Variants in SCARA5 observed in about 807,000 individuals in gnomAD.
SCARA5 encodes the protein scavenger receptor class A member 5, also known as scavenger receptor class A, member 5 (putative).
A neutral mutation model predicts 46.3 loss-of-function variants in SCARA5; 45 were observed. That is an observed-to-expected ratio of 0.97 (90% CI 0.76 to 1.24). The LOEUF is 1.24. Ranked by LOEUF, SCARA5 falls within the 50% of genes most tolerant of loss-of-function variation. SCARA5 has a pLI of 0.00. For synonymous variants in SCARA5, 333 were observed against 306.5 expected (o/e 1.09, Z -0.90); for missense variants, 680 against 689.0 (o/e 0.99, Z 0.15).
intron 7 of SCARA5, among the ~76,000 whole-genome samples, chr8:27,882,822 T>G (rs1388213304): frequency 6.6e-6 from 1 of 152,236 alleles, no homozygotes; most frequent in African/African-American, 2.4e-5. Flanking sequence ...GACATATAAA[T>G]GTGTGTCACA....
chr8:27,900,630 C>G (rs886873909), intron 7 of SCARA5, among the ~76,000 whole-genome samples: 1 of 151,976 alleles, frequency 6.6e-6, no homozygotes, highest in African/African-American at 2.4e-5. Flanking sequence ...ACAATCTGAA[C>G]TTATATCCTG....
intron 2 of SCARA5, among the ~76,000 whole-genome samples, chr8:27,970,652 C>T (rs1479123306): frequency 6.6e-6 from 1 of 152,164 alleles, no homozygotes; most frequent in African/African-American, 2.4e-5. Context: ...CTGCTACTGC[C>T]GTGCACTGCC....
intron 7 of SCARA5, among the ~76,000 whole-genome samples, chr8:27,881,755 A>G (rs1436156609): frequency 6.6e-6 from 1 of 152,172 alleles, no homozygotes; most frequent in Non-Finnish European, 1.5e-5. Flanking sequence ...ATTGATTGAA[A>G]GGTACAGAAA....
At chr8:27,956,245 A>C (rs992452032) in intron 3 of SCARA5, among the ~76,000 whole-genome samples, 5 of 152,206 alleles carry the variant, frequency 3.3e-5, no homozygotes, top group Non-Finnish European at 7.3e-5. Context: ...ACATCACACC[A>C]TTACGCAATA....
At chr8:27,900,854 T>C (rs1477726086) in intron 7 of SCARA5, among the ~76,000 whole-genome samples, 3 of 150,374 alleles carry the variant, frequency 2.0e-5, no homozygotes, top group Non-Finnish European at 4.4e-5. Context: ...ATGACTGATA[T>C]TGCCCTTGAC....
intron 4 of SCARA5, among the ~76,000 whole-genome samples, chr8:27,918,721 G>T: frequency 7.3e-6 from 1 of 137,362 alleles, no homozygotes; most frequent in Admixed American, 7.3e-5. Context: ...AGGAAGATGA[G>T]GAGGATAAAG....
At chr8:27,956,398 C>T (rs1043538595) in intron 3 of SCARA5, among the ~76,000 whole-genome samples, 5 of 152,170 alleles carry the variant, frequency 3.3e-5, no homozygotes, top group African/African-American at 1.2e-4. Context: ...ATGATTTCTT[C>T]CCTGAATTAA....
intron 2 of SCARA5, among the ~76,000 whole-genome samples, 178 bp from the exon 3 acceptor site, chr8:27,966,720 T>G (rs539885995): frequency 6.6e-6 from 1 of 152,350 alleles, no homozygotes; most frequent in South Asian, 2.1e-4. Context: ...GACCATCACA[T>G]TCAGCCTCTA....
At chr8:27,972,164 A>G (rs1352756102) in intron 2 of SCARA5, among the ~76,000 whole-genome samples, 1 of 152,042 alleles carries the variant, frequency 6.6e-6, no homozygotes, top group African/African-American at 2.4e-5. Flanking sequence ...TAAAAATACA[A>G]AAATTAGCTG....
At chr8:27,932,223 G>A (rs1807786376) in intron 3 of SCARA5, among the ~76,000 whole-genome samples, 1 of 151,996 alleles carries the variant, frequency 6.6e-6, no homozygotes. Flanking sequence ...CAAGCAATCT[G>A]CCCACCTTGT....
At chr8:27,876,773 C>T (rs1426420972) in intron 8 of SCARA5, among the ~76,000 whole-genome samples, 1 of 151,824 alleles carries the variant, frequency 6.6e-6, no homozygotes, top group Admixed American at 6.6e-5. Flanking sequence ...ACAGCAGAGG[C>T]GGGGTGTTGG....
At chr8:27,957,709 A>G (rs925511436) in intron 3 of SCARA5, among the ~76,000 whole-genome samples, 1 of 152,228 alleles carries the variant, frequency 6.6e-6, no homozygotes, top group Non-Finnish European at 1.5e-5. Flanking sequence ...CAATGCGTCT[A>G]AGTCTCAGTT....
chr8:27,985,627 A>G (rs1808694277), intron 2 of SCARA5, among the ~76,000 whole-genome samples: 1 of 152,218 alleles, frequency 6.6e-6, no homozygotes, highest in South Asian at 2.1e-4. Flanking sequence ...GCAGATGAGT[A>G]CACTGAGGCC....
chr8:27,961,780 A>G (rs1342908234), intron 3 of SCARA5, among the ~76,000 whole-genome samples: 2 of 152,208 alleles, frequency 1.3e-5, no homozygotes, highest in Non-Finnish European at 2.9e-5. Flanking sequence ...TGTTAATATA[A>G]TCACACACCT....
At position 27,921,966 on chromosome 8, in the gene SCARA5, G is replaced by A. The variant is rs141478285; in HGVS notation, c.521C>T (p.Thr174Met). The change falls in exon 4 of 9, where the codon ACG (threonine) becomes ATG (methionine). Residue 174 changes from threonine (T) to methionine (M), a missense_variant. Around this residue, in one of 3 missense-constraint regions of SCARA5, gnomAD observed 438 missense variants for 384.5 expected, o/e 1.14. Coordinates refer to ENST00000354914, the MANE Select transcript of SCARA5 (RefSeq NM_173833.6). Reference protein sequence around the residue: ...EQAVALLRDRTGQQSDTAQLE... With the variant: ...EQAVALLRDRMGQQSDTAQLE... ...CTGCGCCGTGTCGCTCTGCTGGCCC[G>A]TGCGGTCCCGCAGCAGGGCCACCGC... 230 of 1,542,142 alleles carry A rather than the reference G, an allele frequency of 1.5e-4. 1 individual carries two copies. In the African/African-American group the frequency reaches 2.5e-3, roughly 17 times the overall value.
intron 3 of SCARA5, among the ~76,000 whole-genome samples, chr8:27,960,596 A>G (rs1184047707): frequency 6.6e-6 from 1 of 152,214 alleles, no homozygotes; most frequent in South Asian, 2.1e-4. Context: ...AGATGAAAAA[A>G]CCAAGTCCCT....
chr8:27,902,370 C>G (rs1407626812), intron 7 of SCARA5, among the ~76,000 whole-genome samples: 2 of 152,130 alleles, frequency 1.3e-5, no homozygotes, highest in Non-Finnish European at 1.5e-5. Flanking sequence ...GGCTCTGGCT[C>G]TCACCTCCCT....
At chr8:27,908,946 C>G (rs904634031) in intron 5 of SCARA5, 1 of 152,198 alleles carries the variant, frequency 6.6e-6, no homozygotes, top group Non-Finnish European at 1.5e-5. Context: ...AAATAAATAA[C>G]CAGACACCTT....
Position 27,907,247 on chromosome 8 carries a change from C to G in SCARA5, c.998-1G>C, listed in dbSNP as rs1807278462. The G allele has an allele frequency of 1.2e-6, 2 of 1,610,546 alleles. No individual in the cohort carries two copies. Among genetic ancestry groups the G allele is most frequent in the Admixed American group, 1.7e-5 (1 of 59,708 alleles). ...GGGGTACCTCTCTCCCCGGGCAGACCTGGGGAGAAAACAGACAAATGGCAG... is the reference window on the plus strand; with the variant it reads ...GGGGTACCTCTCTCCCCGGGCAGACGTGGGGAGAAAACAGACAAATGGCAG... On this transcript the variant is annotated splice_acceptor_variant, in intron 5 of 8. Coordinates refer to ENST00000354914, the MANE Select transcript of SCARA5 (RefSeq NM_173833.6). LOFTEE classifies it high-confidence loss of function.
Sources: allele counts gnomAD v4.1 joint callset (sites outside exome capture counted in the v4.1 genomes callset), GRCh38; gene constraint gnomAD v4.1.1; regional missense constraint gnomAD v4.1.1; transcripts MANE v1.5; gene names NCBI Gene and HGNC (gene_info 2026-07-23, HGNC 2026-07-21).